Variants in RPTOR observed in about 807,000 individuals in gnomAD.
RPTOR encodes regulatory-associated protein of mTOR.
A neutral mutation model predicts 169.9 loss-of-function variants in RPTOR; 21 were observed. That is an observed-to-expected ratio of 0.12 (90% CI 0.09 to 0.18). The LOEUF is 0.18. RPTOR is among the 10% of genes least tolerant of loss of function. The probability of loss-of-function intolerance (pLI) is 1.00; values close to 1 mark genes in which losing one functional copy is unlikely to be tolerated. For missense variants in RPTOR, 1,133 were observed against 1,855.9 expected (o/e 0.61, Z 7.16); for synonymous variants, 732 against 753.2 (o/e 0.97, Z 0.46).
Position 80,883,536 on chromosome 17 carries a change from G to A in RPTOR, c.1650+52G>A, listed in dbSNP as rs746307696. 5.3e-5 allele frequency: 83 copies of A among 1,575,138 alleles called. No homozygotes were observed. The East Asian group carries it at 1.6e-3, about 30-fold the overall frequency. On this transcript the variant is annotated intron_variant, in intron 15 of 33. Transcript: ENST00000306801. ...CAGAGCTCACCCTTGGCATTGCAGA[G>A]GAGCTGGGCCCACTGTGAAACGTGG...
chr17:80,805,691 G>T (rs1567921509), intron 7 of RPTOR: 1 of 152,140 alleles, frequency 6.6e-6, no homozygotes, highest in Admixed American at 6.5e-5. Flanking sequence ...AAAAGAATCT[G>T]CTTTTCATTA....
chr17:80,886,840 G>A (rs973128750), intron 17 of RPTOR, among the ~76,000 whole-genome samples: 2 of 152,238 alleles, frequency 1.3e-5, no homozygotes, highest in South Asian at 2.1e-4. Context: ...TGGGCAGGGC[G>A]TGTAGAGGGG....
intron 5 of RPTOR, among the ~76,000 whole-genome samples, chr17:80,732,633 C>T (rs75616504): frequency 3.3e-5 from 5 of 152,262 alleles, no homozygotes; most frequent in East Asian, 3.9e-4. Flanking sequence ...TTTTTATCTT[C>T]GTTCTTTAAT....
chr17:80,816,275 A>G (rs995900641), intron 7 of RPTOR, among the ~76,000 whole-genome samples: 1 of 152,210 alleles, frequency 6.6e-6, no homozygotes. Context: ...GCCTGGCTGC[A>G]GGGTGCCGCA....
intron 9 of RPTOR, among the ~76,000 whole-genome samples, chr17:80,830,546 T>C (rs1015828401): frequency 6.6e-6 from 1 of 152,222 alleles, no homozygotes; most frequent in Non-Finnish European, 1.5e-5. Context: ...GTCGGGCTGC[T>C]GCGCCCCACG....
At chr17:80,688,476 G>A (rs538611347) in intron 3 of RPTOR, among the ~76,000 whole-genome samples, 2 of 152,350 alleles carry the variant, frequency 1.3e-5, no homozygotes, top group South Asian at 4.1e-4. Context: ...TTCTGGATAA[G>A]TTTCTCTGTG....
chr17:80,896,057 T>C (rs1202909351), intron 20 of RPTOR, among the ~76,000 whole-genome samples: 1 of 152,212 alleles, frequency 6.6e-6, no homozygotes, highest in African/African-American at 2.4e-5. Context: ...TTGGGCCTTT[T>C]GTGTCTTGTT....
rs1259293387 is a variant in RPTOR at position 80,645,720 on chromosome 17, T to C, written c.348+1910T>C. Among the ~76,000 whole-genome samples the C allele has an allele frequency of 2.0e-5, 3 of 152,242 alleles. No homozygotes were observed. In the East Asian group the frequency reaches 5.8e-4, roughly 29 times the overall value. ...TTCTGTCTACGAGCAGATCTCTCCA[T>C]GGCATTGAGAAGCGGCATCATGATG... On this transcript the variant is annotated intron_variant, in intron 3 of 33. Coordinates refer to ENST00000306801, the MANE Select transcript of RPTOR (RefSeq NM_020761.3).
chr17:80,565,518 T>G lies in RPTOR; in HGVS notation c.162+19727T>G, dbSNP rs996805192. Among the ~76,000 whole-genome samples, 2 of 147,998 alleles carry G rather than the reference T, an allele frequency of 1.4e-5. 1 individual carries two copies. The highest frequency in any genetic ancestry group is 5.0e-5 in the African/African-American group (2 of 40,074). On this transcript the variant is annotated intron_variant, in intron 1 of 33. Coordinates refer to ENST00000306801, the MANE Select transcript of RPTOR (RefSeq NM_020761.3). ...AGGGGAGAGTCAAGGCAGGGGAGAA[T>G]GTGGTGAAGCAAGCGGCACTGCTGA...
chr17:80,607,024 G>A (rs2065234163), intron 1 of RPTOR, among the ~76,000 whole-genome samples: 1 of 152,150 alleles, frequency 6.6e-6, no homozygotes, highest in Non-Finnish European at 1.5e-5. Context: ...GCACATGAAG[G>A]CGCCCACACA....
chr17:80,910,640 T>C (rs1419600795), intron 21 of RPTOR, among the ~76,000 whole-genome samples: 1 of 152,108 alleles, frequency 6.6e-6, no homozygotes, highest in East Asian at 1.9e-4. Flanking sequence ...CCAAATGAGC[T>C]ATCGAGTCTC....
chr17:80,566,472 AG>A (rs2064841827), intron 1 of RPTOR, among the ~76,000 whole-genome samples: 1 of 152,186 alleles, frequency 6.6e-6, no homozygotes, highest in Non-Finnish European at 1.5e-5. Flanking sequence ...AATTTATGGA[AG>A]GTATACACTT....
In RPTOR at chr17:80,687,207, A is replaced by C. The variant is rs148035431; in HGVS notation, c.349-20634A>C. ...TCCGTCCCACTTCTCCTCACTGTCT[A>C]GTCTTCTTCTGACCCTCCCAGCCTG... On this transcript the variant is annotated intron_variant, in intron 3 of 33. Coordinates refer to ENST00000306801, the MANE Select transcript of RPTOR (RefSeq NM_020761.3). Among the ~76,000 whole-genome samples, 640 of 152,242 alleles carry C rather than the reference A, an allele frequency of 4.2e-3. 5 individuals are homozygous for C. The highest frequency in any genetic ancestry group is 0.015 in the African/African-American group (622 of 41,538).
intron 6 of RPTOR, among the ~76,000 whole-genome samples, chr17:80,773,305 C>T (rs763195576): frequency 4.6e-5 from 7 of 152,228 alleles, no homozygotes; most frequent in African/African-American, 1.7e-4. Context: ...CTTCTCTGTT[C>T]GCACAGAGAC....
intron 27 of RPTOR, among the ~76,000 whole-genome samples, chr17:80,948,372 G>A (rs1471110091): frequency 5.3e-5 from 8 of 152,258 alleles, no homozygotes; most frequent in African/African-American, 1.4e-4. Context: ...TCGAAAGCCC[G>A]TCTTTGTCCC....
rs954839541 is a variant in RPTOR at position 80,817,212 on chromosome 17, T to C, written c.891-4989T>C. Reference sequence around the variant, plus strand: ...CCAAGCCTCTGAGAGGCTGGGCAGCTAGTCCACAGTCACAGAGCCAGTCTC... The same window carrying C: ...CCAAGCCTCTGAGAGGCTGGGCAGCCAGTCCACAGTCACAGAGCCAGTCTC... On this transcript the variant is annotated intron_variant, in intron 7 of 33. Coordinates refer to ENST00000306801, the MANE Select transcript of RPTOR (RefSeq NM_020761.3). 3.3e-5 allele frequency among the ~76,000 whole-genome samples: 5 copies of C among 152,148 alleles called. No homozygotes were observed. In the South Asian group the frequency reaches 8.3e-4, roughly 25 times the overall value.
intron 3 of RPTOR, among the ~76,000 whole-genome samples, chr17:80,694,443 G>A (rs1301706370): frequency 2.0e-5 from 3 of 152,250 alleles, no homozygotes; most frequent in African/African-American, 7.2e-5. Context: ...CAATCTCTCA[G>A]TGGAGTGAGA....
chr17:80,931,814 G>A (rs1182069224), intron 24 of RPTOR, among the ~76,000 whole-genome samples: 1 of 152,078 alleles, frequency 6.6e-6, no homozygotes, highest in Non-Finnish European at 1.5e-5. Flanking sequence ...AGAGCCCTTC[G>A]GACCCTTCCA....
In RPTOR at chr17:80,708,062, G is replaced by A. The variant is rs2066154981; in HGVS notation, c.507+63G>A. 6.6e-7 allele frequency: 1 copy of A among 1,518,514 alleles called. No individual in the cohort carries two copies. The highest frequency in any genetic ancestry group is 9.0e-7 in the Non-Finnish European group (1 of 1,114,680). 94.1% of individuals were successfully genotyped at this position (1,518,514 alleles called of 1,614,324 possible). ...AAAGCCATGCCAATTGCGGTGGTCG[G>A]AGCAGGTCCTGCCCATCCGTAGCTT... On this transcript the variant is annotated intron_variant, in intron 4 of 33. Transcript: ENST00000306801. This position sits in a 1 kb window ranked among gnomAD's most constrained non-coding sequence, Gnocchi z 4.2.
Sources: gnomAD v4.1 joint callset for allele counts (sites outside exome capture counted in the v4.1 genomes callset) on GRCh38, gnomAD v4.1.1 for gene constraint, Gnocchi (gnomAD v3.1) non-coding constraint, MANE v1.5 for transcripts, NCBI Gene and HGNC (gene_info 2026-07-23, HGNC 2026-07-21) for gene names.